ATP13A3: variants seen among roughly 807,000 people sequenced by gnomAD.
ATP13A3 encodes polyamine-transporting ATPase 13A3.
A neutral mutation model predicts 158.1 loss-of-function variants in ATP13A3; 59 were observed. The observed-to-expected ratio is 0.37, with a 90% CI of 0.30 to 0.46. The LOEUF (loss-of-function observed/expected upper bound fraction) is 0.46, where lower values mean the gene tolerates loss of function less well. Ranked by LOEUF, ATP13A3 falls within the 20% of genes least tolerant of loss-of-function variation. The pLI, the probability that ATP13A3 is intolerant of heterozygous loss-of-function variation, is 1.00. For missense variants in ATP13A3, 1,166 were observed against 1,525.2 expected (o/e 0.76, Z 3.92); for synonymous variants, 491 against 504.3 (o/e 0.97, Z 0.35).
At chr3:194,414,072 G>C (rs1577025823) in intron 31 of ATP13A3, among the ~76,000 whole-genome samples, 1 of 152,260 alleles carries the variant, frequency 6.6e-6, no homozygotes, top group African/African-American at 2.4e-5. Context: ...ACTGAGGTTA[G>C]AGTCAAATCC....
At chr3:194,479,753 T>C (rs1720676019) in intron 2 of ATP13A3, among the ~76,000 whole-genome samples, 1 of 151,930 alleles carries the variant, frequency 6.6e-6, no homozygotes, top group South Asian at 2.1e-4. Flanking sequence ...AAATAATGCA[T>C]ATAAAGTCCT....
intron 6 of ATP13A3, chr3:194,459,217 C>CA (rs1459869780): frequency 4.6e-6 from 2 of 430,964 alleles, no homozygotes; most frequent in Non-Finnish European, 8.5e-6. Flanking sequence ...GGTAAGAACT[C>CA]AGACTCAGTA....
rs1436432007 is a variant in ATP13A3, at chr3:194,453,725, T to C, written c.819A>G (p.Ser273=). 5 of 1,612,684 alleles carry C rather than the reference T, an allele frequency of 3.1e-6. No homozygotes were observed. Among genetic ancestry groups the C allele is most frequent in the Non-Finnish European group, 4.2e-6 (5 of 1,178,940 alleles). Residue 273 remains serine, a synonymous_variant, in exon 10 of 34, where the codon TCA becomes TCG. Transcript: ENST00000645319. ...MVATHSTVRV[S]VCRVNEEIEE... is the part of the protein sequence containing the mutation. Reference sequence around the variant, plus strand: ...ACTTACCTTCATTTACTCTACAAACTGAAACTCTTACGGTACTATGAGTTG... The same window carrying C: ...ACTTACCTTCATTTACTCTACAAACCGAAACTCTTACGGTACTATGAGTTG...
At position 194,457,102 on chromosome 3, in the gene ATP13A3, A is replaced by T; in HGVS notation, c.552T>A (p.His184Gln). ...KHSAGLTKGM[H>Q]AYRKLLYGVN... Reference sequence around the variant, plus strand: ...AGTTGGATAAAAATTACCTGTAGGCATGCATCCCCTTTGTCAGTCCTGCAC... The same window carrying T: ...AGTTGGATAAAAATTACCTGTAGGCTTGCATCCCCTTTGTCAGTCCTGCAC... Residue 184 changes from histidine to glutamine, a missense_variant, in exon 7 of 34, where the codon CAT (histidine) becomes CAA (glutamine). His to Gln is a conservative substitution (Grantham distance 24, BLOSUM62 0). Around this residue, in one of 3 missense-constraint regions of ATP13A3, gnomAD observed 997 missense variants for 1,341.2 expected, o/e 0.74. Transcript: ENST00000645319. 1 of 1,611,884 alleles carries T rather than the reference A, an allele frequency of 6.2e-7. No homozygotes were observed. The highest frequency in any genetic ancestry group is 8.5e-7 in the Non-Finnish European group (1 of 1,178,592).
intron 30 of ATP13A3, chr3:194,420,212 C>T (rs888882565): frequency 4.3e-4 from 94 of 219,598 alleles, no homozygotes; most frequent in South Asian, 1.2e-4. Context: ...CGTGAAAGTC[C>T]TTCAGAAAAT....
rs1173036651 is a variant in ATP13A3, at chr3:194,405,214, T to C, written c.*705A>G. On this transcript the variant is annotated 3_prime_UTR_variant, in exon 34 of 34. Transcript: ENST00000645319. ...CACCACACATAGCACAGGAGCCATT[T>C]AAGAGCTTTGAGAGGCGTCTCAAGA... 1 of 152,230 alleles carries C rather than the reference T, an allele frequency of 6.6e-6. No individual in the cohort carries two copies. The highest frequency in any genetic ancestry group is 1.5e-5 in the Non-Finnish European group (1 of 68,046). 9.4% of individuals were successfully genotyped at this position (152,230 alleles called of 1,614,324 possible). A position where few individuals can be genotyped will look rare whatever the true frequency, so the allele number is the denominator to read the frequency against.
At position 194,448,402 on chromosome 3, in the gene ATP13A3, T is replaced by C; in HGVS notation, c.1150+55A>G. On this transcript the variant is annotated intron_variant, in intron 12 of 33. Transcript: ENST00000645319. The surrounding 1 kb of genome is among the most constrained non-coding windows in gnomAD (Gnocchi z 4.0). ...CCAGAATCTCTTTTTAAACATTTAG[T>C]AGGTATCAAATATGCTGAAACATGC... 6.4e-7 allele frequency: 1 copy of C among 1,564,804 alleles called. No individual in the cohort carries two copies.
intron 20 of ATP13A3, among the ~76,000 whole-genome samples, chr3:194,435,154 A>C (rs937038509): frequency 6.6e-6 from 1 of 152,084 alleles, no homozygotes; most frequent in African/African-American, 2.4e-5. Flanking sequence ...AATGGGTGGT[A>C]AGGATATTAG....
At position 194,449,096 on chromosome 3, in the gene ATP13A3, A is replaced by C. The variant is rs530910193; in HGVS notation, c.971-460T>G. Among the ~76,000 whole-genome samples, 1,013 of 151,452 alleles carry C rather than the reference A, an allele frequency of 6.7e-3. 13 individuals carry two copies. The highest frequency in any genetic ancestry group is 0.011 in the Non-Finnish European group (772 of 67,836). The stretch of plus-strand genomic sequence containing the variant: ...ACACACACACACACACACACAGAAC[A>C]GAAAAGACAGCTGGGCAAAAAAGAG... On this transcript the variant is annotated intron_variant, in intron 11 of 33. Coordinates refer to ENST00000645319, the MANE Select transcript of ATP13A3 (RefSeq NM_001367549.1).
chr3:194,446,356 C>T (rs1385609586), intron 14 of ATP13A3, among the ~76,000 whole-genome samples: 1 of 151,976 alleles, frequency 6.6e-6, no homozygotes. Flanking sequence ...ATCAAAGCTA[C>T]GCAAGTTAAG....
At chr3:194,476,336 C>T (rs1295504509) in intron 2 of ATP13A3, among the ~76,000 whole-genome samples, 1 of 152,224 alleles carries the variant, frequency 6.6e-6, no homozygotes, top group African/African-American at 2.4e-5. Context: ...ACTAATCTCT[C>T]ATGTGCTTCA....
Position 194,494,329 on chromosome 3 carries a change from C to A in ATP13A3, n.516-49G>T. ...ACATTGATTTTCACAACCACGATGT[C>A]AGACTAGCAATGGAATTGTTTTGAT... is the stretch of plus-strand genomic sequence containing the variant. On this transcript the variant is annotated intron_variant and non_coding_transcript_variant, in intron 1 of 32. Coordinates refer to the ATP13A3 transcript ENST00000687055. The surrounding 1 kb of genome is among the most constrained non-coding windows in gnomAD (Gnocchi z 4.2). The A allele has an allele frequency of 2.5e-6, 1 of 398,196 alleles. No individual in the cohort carries two copies. Among genetic ancestry groups the A allele is most frequent in the South Asian group, 1.3e-4 (1 of 7,718 alleles). 24.7% of individuals were successfully genotyped at this position (398,196 alleles called of 1,614,324 possible).
chr3:194,494,008 TC>T lies in ATP13A3; in HGVS notation n.746+41del. Reference sequence around the variant, plus strand: ...TTACAAATTGAGGAAAGCTTAAAAATCCCATTTTACAGAATGGAAAAAGAGG... The same window carrying T: ...TTACAAATTGAGGAAAGCTTAAAAATCCATTTTACAGAATGGAAAAAGAGG... On this transcript the variant is annotated intron_variant and non_coding_transcript_variant, in intron 2 of 32. Transcript: ENST00000687055. This position sits in a 1 kb window ranked among gnomAD's most constrained non-coding sequence, Gnocchi z 4.2. 1 of 396,636 alleles carries T rather than the reference TC, an allele frequency of 2.5e-6. No individual in the cohort carries two copies. Among genetic ancestry groups the T allele is most frequent in the African/African-American group, 2.1e-5 (1 of 48,650 alleles). 24.6% of individuals were successfully genotyped at this position (396,636 alleles called of 1,614,324 possible). A position where few individuals can be genotyped will look rare whatever the true frequency, so the allele number is the denominator to read the frequency against.
At chr3:194,447,304 C>T (rs529174436) in intron 13 of ATP13A3, among the ~76,000 whole-genome samples, 189 bp from the exon 14 acceptor site, 1 of 151,958 alleles carries the variant, frequency 6.6e-6, no homozygotes, top group Admixed American at 6.6e-5. Context: ...AATAAAAAAG[C>T]TCAATGGATT....
intron 33 of ATP13A3, among the ~76,000 whole-genome samples, chr3:194,408,021 CTTTT>C (rs778831468): frequency 1.4e-5 from 2 of 138,306 alleles, no homozygotes; most frequent in Non-Finnish European, 1.6e-5. Flanking sequence ...AAGCTGTCAC[CTTTT>C]TTTTTTTTTT....
chr3:194,421,354 C>A (rs1370367701), intron 30 of ATP13A3, among the ~76,000 whole-genome samples: 1 of 147,914 alleles, frequency 6.8e-6, no homozygotes, highest in Non-Finnish European at 1.5e-5. Context: ...GATAACGAGA[C>A]CATCCTGGCT....
intron 33 of ATP13A3, among the ~76,000 whole-genome samples, 191 bp downstream of exon 33, chr3:194,412,008 G>GA (rs1373946247): frequency 1.3e-5 from 2 of 152,160 alleles, no homozygotes; most frequent in Non-Finnish European, 2.9e-5. Context: ...TGTTTGCCAT[G>GA]AATTTTCTAG....
Position 194,459,910 on chromosome 3 carries a change from A to G in ATP13A3, c.287T>C (p.Val96Ala). The G allele has an allele frequency of 6.2e-7, 1 of 1,613,494 alleles. No individual in the cohort carries two copies. The highest frequency in any genetic ancestry group is 1.1e-5 in the South Asian group (1 of 91,008). ...ATTAGACATAGATTTTGGACTTGAA[A>G]CTGGGTAAGTTTCCAAAGAAAGAAC... ...IRVLSLETYP[V>A]SSPKSMSNKL... is the part of the protein sequence containing the mutation. The change falls in exon 5 of 34, where the codon GTT becomes GCT. Residue 96 changes from valine to alanine, a missense_variant. Physicochemically the swap from Val to Ala is moderately conservative, Grantham distance 64 (BLOSUM62 0). This residue lies in a region of ATP13A3 where 104 missense variants were observed against 91.7 expected (regional missense o/e 1.13). Coordinates refer to ENST00000645319, the MANE Select transcript of ATP13A3 (RefSeq NM_001367549.1).
intron 22 of ATP13A3, 145 bp from the exon 23 acceptor site, chr3:194,431,371 A>G: frequency 9.5e-7 from 1 of 1,055,466 alleles, no homozygotes; most frequent in Non-Finnish European, 1.3e-6. Context: ...ATTCAAAGTA[A>G]AAAGAAACTC....
Sources: allele counts gnomAD v4.1 joint callset (sites outside exome capture counted in the v4.1 genomes callset), GRCh38; gene constraint gnomAD v4.1.1; regional missense constraint gnomAD v4.1.1; non-coding constraint Gnocchi (gnomAD v3.1); transcripts MANE v1.5; gene names NCBI Gene and HGNC (gene_info 2026-07-23, HGNC 2026-07-21).